The following POU6F2 variants were observed in gnomAD, a reference collection of about 807,000 sequenced individuals.
POU6F2 encodes POU class 6 homeobox 2.
Under a neutral mutation model 71.3 loss-of-function variants are expected in POU6F2, and 31 were observed. That is an observed-to-expected ratio of 0.43 (90% CI 0.33 to 0.59). The LOEUF (loss-of-function observed/expected upper bound fraction) is 0.59. Ranked by LOEUF, POU6F2 falls within the 20% of genes least tolerant of loss-of-function variation. The pLI is 0.04. For missense variants in POU6F2, 783 were observed against 856.8 expected, an observed-to-expected ratio of 0.91 and a Z score of 1.07; for synonymous variants, 347 against 355.7, an observed-to-expected ratio of 0.98 and a Z score of 0.27.
intron 4 of POU6F2, among the ~76,000 whole-genome samples, chr7:39,253,389 C>G (rs868295499): frequency 1.3e-5 from 2 of 152,226 alleles, no homozygotes; most frequent in African/African-American, 4.8e-5. Context: ...TTAACAGAGC[C>G]TCTACCCTAT....
chr7:39,299,875 C>A (rs1784922027), intron 4 of POU6F2, among the ~76,000 whole-genome samples: 1 of 152,162 alleles, frequency 6.6e-6, no homozygotes, highest in African/African-American at 2.4e-5. Context: ...GGCATGTGCC[C>A]CGAGGCAGCT....
At chr7:39,020,067 G>A (rs1165562842) in intron 1 of POU6F2, among the ~76,000 whole-genome samples, 1 of 152,104 alleles carries the variant, frequency 6.6e-6, no homozygotes, top group African/African-American at 2.4e-5. Flanking sequence ...TAGGAAGTGT[G>A]GAACCAGGAG....
chr7:39,091,956 A>C (rs1413783702), intron 2 of POU6F2, among the ~76,000 whole-genome samples: 1 of 152,316 alleles, frequency 6.6e-6, no homozygotes, highest in East Asian at 1.9e-4. Flanking sequence ...AGACATTCAC[A>C]CATTAAAGAG....
At chr7:39,166,337 C>T (rs2128737871) in intron 2 of POU6F2, among the ~76,000 whole-genome samples, 1 of 152,290 alleles carries the variant, frequency 6.6e-6, no homozygotes, top group African/African-American at 2.4e-5. Context: ...ATTCACAGTC[C>T]ATTTTACATA....
At chr7:39,276,281 G>A (rs1263078695) in intron 4 of POU6F2, among the ~76,000 whole-genome samples, 1 of 152,148 alleles carries the variant, frequency 6.6e-6, no homozygotes, top group East Asian at 1.9e-4. Context: ...CATTTATGCA[G>A]CCAAAAGACA....
chr7:39,012,100 A>G (rs1389451789), intron 1 of POU6F2, among the ~76,000 whole-genome samples: 1 of 151,308 alleles, frequency 6.6e-6, no homozygotes, highest in Non-Finnish European at 1.5e-5. Context: ...GTTCTCCTGG[A>G]TAATATCCTG....
chr7:39,084,707 A>T (rs982388090), intron 1 of POU6F2, among the ~76,000 whole-genome samples: 11 of 152,188 alleles, frequency 7.2e-5, no homozygotes, highest in African/African-American at 2.7e-4. Context: ...TCAAGCATGA[A>T]TACATTAAAA....
At chr7:39,148,583 GATA>G (rs1156946247) in intron 2 of POU6F2, among the ~76,000 whole-genome samples, 4 of 152,048 alleles carry the variant, frequency 2.6e-5, no homozygotes, top group Non-Finnish European at 4.4e-5. Context: ...TGATGATGAT[GATA>G]ATGATGATAA....
At chr7:39,340,623 T>A (rs958173684) in intron 5 of POU6F2, among the ~76,000 whole-genome samples, 1 of 152,180 alleles carries the variant, frequency 6.6e-6, no homozygotes, top group African/African-American at 2.4e-5. Context: ...TGCATCTTTA[T>A]AAAGGAATAA....
At position 39,464,920 on chromosome 7, in the gene POU6F2, A is replaced by G. The variant is rs898527147; in HGVS notation, c.*234A>G. 7.9e-5 allele frequency: 45 copies of G among 567,426 alleles called. 1 individual carries two copies. The highest frequency in any genetic ancestry group is 4.9e-4 in the South Asian group (20 of 40,610). The allele number at this position is 567,426 out of a possible 1,614,324, so 35.1% of individuals were successfully genotyped here. ...TTTTTAGAAAATTTTTAAACAAGGA[A>G]TACACCACACTGAAGGTGTGTGTGG... On this transcript the variant is annotated 3_prime_UTR_variant, in exon 10 of 10. Coordinates refer to ENST00000518318, the MANE Select transcript of POU6F2 (RefSeq NM_001370959.1). The surrounding 1 kb of genome is among the most constrained non-coding windows in gnomAD (Gnocchi z 4.1).
chr7:39,120,928 T>G (rs1201614648), intron 2 of POU6F2: 28 of 152,336 alleles, frequency 1.8e-4, no homozygotes, highest in Non-Finnish European at 1.2e-4. Flanking sequence ...TCTTGGTGGC[T>G]CTTTCTAGTC....
intron 2 of POU6F2, among the ~76,000 whole-genome samples, chr7:39,198,664 A>C (rs1384412642): frequency 6.6e-6 from 1 of 152,248 alleles, no homozygotes; most frequent in Non-Finnish European, 1.5e-5. Flanking sequence ...GGCTTGTAGA[A>C]TTAGCCTTAG....
chr7:39,462,505 AG>A (rs1199597208), intron 9 of POU6F2, among the ~76,000 whole-genome samples: 1 of 152,174 alleles, frequency 6.6e-6, no homozygotes, highest in Non-Finnish European at 1.5e-5. Flanking sequence ...CAGAGAAAAA[AG>A]CATTACCAAT....
At chr7:39,045,687 CAA>C (rs1183021484) in intron 1 of POU6F2, among the ~76,000 whole-genome samples, 2 of 151,676 alleles carry the variant, frequency 1.3e-5, no homozygotes, top group Non-Finnish European at 2.9e-5. Flanking sequence ...GTCTTCATTC[CAA>C]AATGTTTCCT....
Position 39,468,331 on chromosome 7 carries a change from T to C in POU6F2, c.*3645T>C, listed in dbSNP as rs1226081582. On this transcript the variant is annotated 3_prime_UTR_variant, in exon 10 of 10. Transcript: ENST00000518318. ...GGCAGGAAACAGGACTGGGTTGCTT[T>C]GGAAAAATCATCATGACAAGAAGTT... 2 of 152,116 alleles carry C rather than the reference T, an allele frequency of 1.3e-5. No individual in the cohort carries two copies. The highest frequency in any genetic ancestry group is 2.9e-5 in the Non-Finnish European group (2 of 68,014). The allele number at this position is 152,116 out of a possible 1,614,324, so 9.4% of individuals were successfully genotyped here. A position where few individuals can be genotyped will look rare whatever the true frequency, so the allele number is the denominator to read the frequency against.
intron 1 of POU6F2, 175 bp from the exon 2 acceptor site, chr7:39,085,685 A>G: frequency 1.5e-6 from 1 of 657,516 alleles, no homozygotes; most frequent in East Asian, 2.8e-5. Context: ...ATAGCTCTTC[A>G]CTTGACTGCA....
intron 1 of POU6F2, among the ~76,000 whole-genome samples, chr7:39,051,324 G>T (rs1328701338): frequency 6.6e-6 from 1 of 152,102 alleles, no homozygotes; most frequent in Non-Finnish European, 1.5e-5. Context: ...TTAAGAGCAA[G>T]TAGTAGAGCT....
chr7:39,097,101 T>G (rs2128722887), intron 2 of POU6F2, among the ~76,000 whole-genome samples: 1 of 152,310 alleles, frequency 6.6e-6, no homozygotes, highest in Admixed American at 6.5e-5. Flanking sequence ...TTTGCACTCT[T>G]TGAAATTACA....
chr7:39,141,015 T>C (rs972963730), intron 2 of POU6F2, among the ~76,000 whole-genome samples: 1 of 152,086 alleles, frequency 6.6e-6, no homozygotes, highest in Admixed American at 6.5e-5. Context: ...GGCTGCAGCT[T>C]GTGGCCAGTC....
Sources: gnomAD v4.1 joint callset for allele counts (sites outside exome capture counted in the v4.1 genomes callset) on GRCh38, gnomAD v4.1.1 for gene constraint, Gnocchi (gnomAD v3.1) non-coding constraint, MANE v1.5 for transcripts, NCBI Gene and HGNC (gene_info 2026-07-23, HGNC 2026-07-21) for gene names.